Variants in PIGN observed in about 807,000 individuals in gnomAD.
The protein encoded by PIGN is phosphatidylinositol glycan anchor biosynthesis class N.
A neutral mutation model predicts 125.4 loss-of-function variants in PIGN; 117 were observed. That is an observed-to-expected ratio of 0.93 (90% CI 0.80 to 1.09). The LOEUF is 1.09. Among genes scored for constraint, PIGN ranks in the 50% least tolerant of loss-of-function variants. The probability of loss-of-function intolerance (pLI) is 0.00; values close to 1 mark genes in which losing one functional copy is unlikely to be tolerated. For synonymous variants in PIGN, 392 were observed against 377.8 expected, an observed-to-expected ratio of 1.04 and a Z score of -0.44; for missense variants, 1,075 against 1,094.9, an observed-to-expected ratio of 0.98 and a Z score of 0.26.
At chr18:62,105,144 G>A (rs968676401) in intron 20 of PIGN, 1 of 152,870 alleles carries the variant, frequency 6.5e-6, no homozygotes, top group African/African-American at 2.4e-5. Flanking sequence ...TGACATTTTA[G>A]TGTGGACATG....
intron 10 of PIGN, among the ~76,000 whole-genome samples, chr18:62,143,671 T>C (rs1568224500): frequency 6.6e-6 from 1 of 152,208 alleles, no homozygotes; most frequent in South Asian, 2.1e-4. Flanking sequence ...ACTGTCAGCA[T>C]TGACAACTCA....
intron 28 of PIGN, among the ~76,000 whole-genome samples, chr18:62,076,779 A>T (rs1207293315): frequency 6.6e-6 from 1 of 152,224 alleles, no homozygotes; most frequent in Non-Finnish European, 1.5e-5. Context: ...AGTCAGACTG[A>T]TCATATCTTA....
intron 10 of PIGN, 84 bp from the exon 11 acceptor site, chr18:62,143,430 T>TA (rs1406797469): frequency 6.2e-6 from 5 of 809,256 alleles, no homozygotes; most frequent in Non-Finnish European, 1.0e-5. Context: ...GGCCAATACT[T>TA]ATGGAAAACA....
chr18:62,081,035 T>C (rs1236237614), intron 28 of PIGN, among the ~76,000 whole-genome samples: 6 of 152,186 alleles, frequency 3.9e-5, no homozygotes, highest in Admixed American at 3.9e-4. Context: ...TAATACAACT[T>C]TTCTACTTCA....
chr18:62,068,915 CAG>C (rs919604147), intron 30 of PIGN, among the ~76,000 whole-genome samples: 10 of 152,212 alleles, frequency 6.6e-5, no homozygotes, highest in African/African-American at 2.4e-4. Flanking sequence ...CTACAAGACT[CAG>C]AGAGACACCC....
intron 23 of PIGN, among the ~76,000 whole-genome samples, chr18:62,095,159 CTGTT>C (rs1344868433): frequency 6.6e-6 from 1 of 152,158 alleles, no homozygotes; most frequent in Non-Finnish European, 1.5e-5. Flanking sequence ...TGTTTATTCA[CTGTT>C]TGTTCTAGTC....
intron 14 of PIGN, among the ~76,000 whole-genome samples, chr18:62,127,330 G>A (rs1326580238): frequency 1.3e-5 from 2 of 152,158 alleles, no homozygotes; most frequent in South Asian, 2.1e-4. Flanking sequence ...TCAGGCTACA[G>A]TTTGACAAAA....
chr18:62,109,496 G>A (rs1253318343), intron 17 of PIGN, among the ~76,000 whole-genome samples: 1 of 152,172 alleles, frequency 6.6e-6, no homozygotes, highest in Non-Finnish European at 1.5e-5. Flanking sequence ...CTGAGATGAT[G>A]ACACAAGTTC....
chr18:62,096,981 G>A (rs998602236), intron 22 of PIGN, among the ~76,000 whole-genome samples: 4 of 151,650 alleles, frequency 2.6e-5, no homozygotes, highest in South Asian at 2.1e-4. Flanking sequence ...GAATAGTGCC[G>A]CAATAAACAT....
At chr18:62,019,822 A>G (rs1445708944) in intron 23 of PIGN, among the ~76,000 whole-genome samples, 2 of 152,248 alleles carry the variant, frequency 1.3e-5, no homozygotes, top group South Asian at 2.1e-4. Context: ...GACATTGGGT[A>G]AAAGGAGGCA....
At position 62,147,052 on chromosome 18, in the gene PIGN, C is replaced by T. The variant is rs374310718; in HGVS notation, c.724G>A (p.Val242Met). The change falls in exon 9 of 31, where the codon GTG becomes ATG. Residue 242 changes from valine to methionine, a missense_variant. Physicochemically the swap from Val to Met is conservative, Grantham distance 21. Around this residue, in one of 3 missense-constraint regions of PIGN, gnomAD observed 915 missense variants for 908.7 expected, o/e 1.01. Transcript: ENST00000640252. ...KKVDDGVKEI[V>M]SMFNHFYGND... The stretch of plus-strand genomic sequence containing the variant: ...CCATAGAAGTGGTTAAACATAGACA[C>T]GATTTCTTTAACTCCATCATCAACT... 56 of 1,609,130 alleles carry T rather than the reference C, an allele frequency of 3.5e-5. No individual in the cohort carries two copies. The highest frequency in any genetic ancestry group is 4.3e-5 in the Non-Finnish European group (51 of 1,176,312).
intron 30 of PIGN, among the ~76,000 whole-genome samples, chr18:62,065,524 G>A (rs540427417): frequency 6.6e-6 from 1 of 152,118 alleles, no homozygotes; most frequent in East Asian, 1.9e-4. Flanking sequence ...GGATCACGAG[G>A]TCAGAATATC....
chr18:62,186,370 C>G (rs1229791241), intron 1 of PIGN: 1 of 152,232 alleles, frequency 6.6e-6, no homozygotes, highest in Non-Finnish European at 1.5e-5. Flanking sequence ...TTATAACAAC[C>G]ACTCTTGGCT....
chr18:62,110,293 G>GT (rs908865943), intron 16 of PIGN: 1 of 238,712 alleles, frequency 4.2e-6, no homozygotes. Context: ...TTTTATAAAT[G>GT]TTGATTGAGT....
intron 22 of PIGN, among the ~76,000 whole-genome samples, chr18:62,099,866 G>C (rs1191022041): frequency 6.6e-6 from 1 of 152,080 alleles, no homozygotes; most frequent in African/African-American, 2.4e-5. Flanking sequence ...TAAAGTACTA[G>C]AAGAAAACAT....
intron 30 of PIGN, among the ~76,000 whole-genome samples, chr18:62,050,807 T>C (rs980784505): frequency 2.0e-5 from 3 of 151,790 alleles, no homozygotes; most frequent in Non-Finnish European, 3.0e-5. Flanking sequence ...TTCCAGTTTT[T>C]GCCCATTCAG....
intron 30 of PIGN, among the ~76,000 whole-genome samples, chr18:62,047,152 G>C (rs1220215219): frequency 2.0e-5 from 3 of 152,236 alleles, no homozygotes; most frequent in Non-Finnish European, 4.4e-5. Context: ...CAGAAAAAAT[G>C]TGGCTCCACC....
intron 7 of PIGN, among the ~76,000 whole-genome samples, chr18:62,152,332 G>A (rs1015660705): frequency 1.3e-5 from 2 of 151,540 alleles, no homozygotes; most frequent in Non-Finnish European, 2.9e-5. Flanking sequence ...TTAAGTTTTA[G>A]GGTACATGTT....
chr18:62,135,480 C>T (rs758015166), intron 14 of PIGN, among the ~76,000 whole-genome samples: 1 of 152,080 alleles, frequency 6.6e-6, no homozygotes, highest in Non-Finnish European at 1.5e-5. Context: ...TGCAGGCAGA[C>T]ACTGAACATC....
Sources: allele counts gnomAD v4.1 joint callset (sites outside exome capture counted in the v4.1 genomes callset), GRCh38; gene constraint gnomAD v4.1.1; regional missense constraint gnomAD v4.1.1; transcripts MANE v1.5; gene names NCBI Gene and HGNC (gene_info 2026-07-23, HGNC 2026-07-21).